Variants in UXS1 observed in about 807,000 individuals in gnomAD.
UXS1 encodes the protein UDP-glucuronate decarboxylase 1.
In UXS1, 33 loss-of-function variants were observed where a neutral mutation model predicts 62.6. The observed-to-expected ratio is 0.53, with a 90% confidence interval of 0.40 to 0.70. The LOEUF is 0.70. Ranked by LOEUF, UXS1 falls within the 30% of genes least tolerant of loss-of-function variation. UXS1 has a pLI of 0.00. For missense variants in UXS1, 434 were observed against 556.3 expected (o/e 0.78, Z 2.21); for synonymous variants, 213 against 206.8 (o/e 1.03, Z -0.26).
At chr2:106,120,339 G>A (rs549698631) in intron 9 of UXS1, among the ~76,000 whole-genome samples, 5 of 152,184 alleles carry the variant, frequency 3.3e-5, no homozygotes, top group East Asian at 1.9e-4. Context: ...TGTCTGCCTC[G>A]CAGCCACCAG....
At chr2:106,106,844 C>A (rs1198578823) in intron 10 of UXS1, among the ~76,000 whole-genome samples, 1 of 152,210 alleles carries the variant, frequency 6.6e-6, no homozygotes, top group African/African-American at 2.4e-5. Flanking sequence ...TTGTTTTTTA[C>A]AACCTTATTT....
chr2:106,108,546 T>C (rs1025908456), intron 10 of UXS1, among the ~76,000 whole-genome samples: 3 of 152,146 alleles, frequency 2.0e-5, no homozygotes, highest in African/African-American at 7.2e-5. Context: ...CCCTCAGCCT[T>C]CTCATTGTTC....
At chr2:106,111,603 G>A (rs1442889584) in intron 10 of UXS1, among the ~76,000 whole-genome samples, 1 of 152,138 alleles carries the variant, frequency 6.6e-6, no homozygotes, top group African/African-American at 2.4e-5. Flanking sequence ...ACCTAAGCTT[G>A]GGCAACTCAT....
chr2:106,171,877 C>T (rs1161437010), intron 1 of UXS1, among the ~76,000 whole-genome samples: 1 of 152,248 alleles, frequency 6.6e-6, no homozygotes, highest in Non-Finnish European at 1.5e-5. Flanking sequence ...TCCTACCCTA[C>T]GTTATCTATG....
intron 12 of UXS1, among the ~76,000 whole-genome samples, chr2:106,099,798 A>AGT (rs1489939221): frequency 2.0e-5 from 3 of 152,346 alleles, no homozygotes; most frequent in Middle Eastern, 6.8e-3. Flanking sequence ...TGAGGCTTAC[A>AGT]GTGTGAGGCA....
At chr2:106,106,218 G>A (rs767010853) in intron 10 of UXS1, among the ~76,000 whole-genome samples, 1 of 152,110 alleles carries the variant, frequency 6.6e-6, no homozygotes, top group Non-Finnish European at 1.5e-5. Flanking sequence ...TACAAAATTA[G>A]CTGGGTGTGG....
chr2:106,164,990 C>T (rs906349358), intron 2 of UXS1, among the ~76,000 whole-genome samples, 191 bp from the exon 3 acceptor site: 6 of 152,206 alleles, frequency 3.9e-5, no homozygotes, highest in African/African-American at 1.4e-4. Flanking sequence ...CCCCTTAAAT[C>T]CATCTGTGAA....
chr2:106,119,611 A>T (rs1169013498), intron 9 of UXS1, among the ~76,000 whole-genome samples: 1 of 152,204 alleles, frequency 6.6e-6, no homozygotes, highest in Non-Finnish European at 1.5e-5. Context: ...AGAAAGGCAC[A>T]ACATCCTGCA....
intron 9 of UXS1, among the ~76,000 whole-genome samples, chr2:106,116,320 C>T (rs552749697): frequency 1.3e-5 from 2 of 152,326 alleles, no homozygotes; most frequent in South Asian, 4.1e-4. Context: ...GCATAATCAA[C>T]AGAGACAACA....
chr2:106,145,029 C>G (rs1681451030), intron 6 of UXS1, among the ~76,000 whole-genome samples, 161 bp downstream of exon 6: 1 of 152,202 alleles, frequency 6.6e-6, no homozygotes, highest in Non-Finnish European at 1.5e-5. Context: ...CGTTATCACA[C>G]AGACTAGGAC....
intron 12 of UXS1, among the ~76,000 whole-genome samples, chr2:106,100,570 T>C (rs890697485): frequency 6.6e-6 from 1 of 152,224 alleles, no homozygotes; most frequent in Admixed American, 6.5e-5. Flanking sequence ...CAAGGCTGGA[T>C]GATCCCTCCA....
At chr2:106,168,300 C>T (rs1352935793) in intron 1 of UXS1, among the ~76,000 whole-genome samples, 1 of 151,588 alleles carries the variant, frequency 6.6e-6, no homozygotes, top group Non-Finnish European at 1.5e-5. Context: ...CTTACCAGCG[C>T]CATGACAGTT....
chr2:106,110,581 T>A (rs1288709234), intron 10 of UXS1, among the ~76,000 whole-genome samples: 1 of 152,126 alleles, frequency 6.6e-6, no homozygotes, highest in African/African-American at 2.4e-5. Context: ...CACGAGCTCC[T>A]AGGAACCCCA....
chr2:106,129,711 T>G lies in UXS1; in HGVS notation c.540A>C (p.Thr180=), dbSNP rs371818327. ...PPNYMYNPIK[T]LKTNTIGTLN... ...ATGTCCCAATCGTATTGGTCTTTAA[T>G]GTCTTGATAGGATTATACATGTAGT... Residue 180 remains threonine (T), a synonymous_variant, in exon 7 of 15, where the codon ACA becomes ACC. Transcript: ENST00000283148. 101 of 1,612,460 alleles carry G rather than the reference T, an allele frequency of 6.3e-5. 1 individual carries two copies. Among genetic ancestry groups the G allele is most frequent in the Admixed American group, 2.8e-4 (17 of 59,828 alleles).
intron 10 of UXS1, among the ~76,000 whole-genome samples, chr2:106,105,071 C>T (rs1677943266): frequency 1.3e-5 from 2 of 152,124 alleles, no homozygotes; most frequent in Admixed American, 6.5e-5. Context: ...TAAAGTTTTC[C>T]CTCAAAAGAC....
chr2:106,164,871 C>A (rs1353936312), intron 2 of UXS1, 72 bp from the exon 3 acceptor site: 4 of 1,176,576 alleles, frequency 3.4e-6, no homozygotes, highest in African/African-American at 1.6e-5. Flanking sequence ...CCTAACATAA[C>A]CCAACGGATG....
At chr2:106,176,134 C>T (rs572648702) in intron 1 of UXS1, among the ~76,000 whole-genome samples, 2 of 152,144 alleles carry the variant, frequency 1.3e-5, no homozygotes, top group Non-Finnish European at 2.9e-5. Context: ...CTGAAGTCCT[C>T]AGAAAATTCT....
intron 6 of UXS1, among the ~76,000 whole-genome samples, chr2:106,142,966 T>C (rs140639222): frequency 1.3e-5 from 2 of 151,968 alleles, no homozygotes; most frequent in African/African-American, 2.4e-5. Flanking sequence ...AGTCACAGAA[T>C]TGGCAGAAAT....
intron 12 of UXS1, chr2:106,100,653 A>G (rs991891945): frequency 5.7e-6 from 1 of 174,870 alleles, no homozygotes; most frequent in Non-Finnish European, 1.2e-5. Flanking sequence ...TGTCCGGCTA[A>G]ATGACAGACA....
Sources: gnomAD v4.1 joint callset for allele counts (sites outside exome capture counted in the v4.1 genomes callset) on GRCh38, gnomAD v4.1.1 for gene constraint, MANE v1.5 for transcripts, NCBI Gene and HGNC (gene_info 2026-07-23, HGNC 2026-07-21) for gene names.